Variants in RPH3AL observed in about 807,000 individuals in gnomAD.
RPH3AL encodes the protein rab effector Noc2.
In RPH3AL, 38 loss-of-function variants were observed where a neutral mutation model predicts 43.1. The observed-to-expected ratio is 0.88, with a 90% confidence interval of 0.68 to 1.15. The LOEUF (loss-of-function observed/expected upper bound fraction) is 1.15, where lower values mean the gene tolerates loss of function less well. RPH3AL is among the 50% of genes most tolerant of loss of function. The pLI is 0.00. For synonymous variants in RPH3AL, 189 were observed against 176.3 expected, an observed-to-expected ratio of 1.07 and a Z score of -0.57; for missense variants, 462 against 423.2, an observed-to-expected ratio of 1.09 and a Z score of -0.81.
chr17:223,898 GC>G (rs1416196975), intron 7 of RPH3AL, among the ~76,000 whole-genome samples: 3 of 151,060 alleles, frequency 2.0e-5, no homozygotes, highest in African/African-American at 7.3e-5. Context: ...CAGTGGGCGT[GC>G]CCCCAACAGA....
chr17:318,005 A>T (rs2044344525), intron 5 of RPH3AL, among the ~76,000 whole-genome samples: 1 of 148,332 alleles, frequency 6.7e-6, no homozygotes, highest in African/African-American at 2.5e-5. Context: ...TTTGATCATT[A>T]CTTGTTTTTT....
Position 290,796 on chromosome 17 carries a change from G to A in RPH3AL, c.352-8942C>T, listed in dbSNP as rs891002306. ...GAAGGAAACTGCTCTGAAAGCAGAC[G>A]CCGCCATCTCACAGCACCCGCGGTC... is the stretch of plus-strand genomic sequence containing the variant. On this transcript the variant is annotated intron_variant, in intron 5 of 9. Transcript: ENST00000331302. This position sits in a 1 kb window ranked among gnomAD's most constrained non-coding sequence, Gnocchi z 4.2. 2.6e-5 allele frequency among the ~76,000 whole-genome samples: 4 copies of A among 152,296 alleles called. No individual in the cohort carries two copies. Among genetic ancestry groups the A allele is most frequent in the South Asian group, 2.1e-4 (1 of 4,822 alleles).
intron 6 of RPH3AL, among the ~76,000 whole-genome samples, chr17:251,690 G>A (rs1334321617): frequency 6.6e-6 from 1 of 152,246 alleles, no homozygotes; most frequent in Non-Finnish European, 1.5e-5. Context: ...CATCTCTGAA[G>A]AGCTGCTGCA....
intron 1 of RPH3AL, among the ~76,000 whole-genome samples, chr17:342,995 T>C (rs2045156433): frequency 6.6e-6 from 1 of 152,230 alleles, no homozygotes; most frequent in Non-Finnish European, 1.5e-5. Flanking sequence ...ATAACATTTG[T>C]TCCACTTTGC....
At chr17:317,420 C>T (rs1296701432) in intron 5 of RPH3AL, among the ~76,000 whole-genome samples, 1 of 148,938 alleles carries the variant, frequency 6.7e-6, no homozygotes, top group African/African-American at 2.5e-5. Flanking sequence ...CTCTGTGCTC[C>T]ACACCTCCAT....
chr17:326,261 C>T lies in RPH3AL; in HGVS notation c.77+1206G>A, dbSNP rs138965698. Among the ~76,000 whole-genome samples, 705 of 152,346 alleles carry T rather than the reference C, an allele frequency of 4.6e-3. 2 individuals carry two copies. The highest frequency in any genetic ancestry group is 0.014 in the Middle Eastern group (4 of 294). ...GATTCCTGCAAATCACGCATGACTCCGCTCTCCTGGGGCGTTTCGAATTAA... is the reference window on the plus strand; with the variant it reads ...GATTCCTGCAAATCACGCATGACTCTGCTCTCCTGGGGCGTTTCGAATTAA... On this transcript the variant is annotated intron_variant, in intron 3 of 9. Coordinates refer to ENST00000331302, the MANE Select transcript of RPH3AL (RefSeq NM_006987.4).
At position 264,535 on chromosome 17, in the gene RPH3AL, G is replaced by A. The variant is rs568938432; in HGVS notation, c.438+17233C>T. On this transcript the variant is annotated intron_variant, in intron 6 of 9. Transcript: ENST00000331302. The surrounding 1 kb of genome is among the most constrained non-coding windows in gnomAD (Gnocchi z 4.8). The stretch of plus-strand genomic sequence containing the variant: ...AGGATTACCCTTCGGAGCCGTGCGC[G>A]CTGGATGGGGACTCAGAATCCGCAC... 2.0e-4 allele frequency among the ~76,000 whole-genome samples: 30 copies of A among 152,146 alleles called. 1 individual carries two copies. In the South Asian group the frequency reaches 2.1e-3, roughly 11 times the overall value.
Position 264,299 on chromosome 17 carries a change from G to T in RPH3AL, c.439-17014C>A, listed in dbSNP as rs1436359419. Reference sequence around the variant, plus strand: ...GCCGCGAGCGCTGGATGGGGACTCAGAATCCGCAGCACGTTGACAGCAGGA... The same window carrying T: ...GCCGCGAGCGCTGGATGGGGACTCATAATCCGCAGCACGTTGACAGCAGGA... On this transcript the variant is annotated intron_variant, in intron 6 of 9. Transcript: ENST00000331302. This position sits in a 1 kb window ranked among gnomAD's most constrained non-coding sequence, Gnocchi z 4.8. Among the ~76,000 whole-genome samples, 2 of 150,206 alleles carry T rather than the reference G, an allele frequency of 1.3e-5. No individual in the cohort carries two copies. Among genetic ancestry groups the T allele is most frequent in the Non-Finnish European group, 2.9e-5 (2 of 67,818 alleles).
At chr17:307,948 T>A (rs896363315) in intron 5 of RPH3AL, among the ~76,000 whole-genome samples, 1 of 152,170 alleles carries the variant, frequency 6.6e-6, no homozygotes, top group Non-Finnish European at 1.5e-5. Context: ...AATCCTCCGA[T>A]CCCAGCAACT....
chr17:285,803 C>T (rs1433778343), intron 5 of RPH3AL, among the ~76,000 whole-genome samples: 4 of 152,218 alleles, frequency 2.6e-5, no homozygotes, highest in Non-Finnish European at 5.9e-5. Flanking sequence ...TGCTCCCCTA[C>T]AGCTTCCAAT....
chr17:264,185 T>C lies in RPH3AL; in HGVS notation c.439-16900A>G, dbSNP rs1180925231. ...ACATACACACTTGTTTCTAGCATTG[T>C]TTTCTGCCGGAAATGCCATCTGTCA... On this transcript the variant is annotated intron_variant, in intron 6 of 9. Coordinates refer to ENST00000331302, the MANE Select transcript of RPH3AL (RefSeq NM_006987.4). This position sits in a 1 kb window ranked among gnomAD's most constrained non-coding sequence, Gnocchi z 4.8. Among the ~76,000 whole-genome samples the C allele has an allele frequency of 1.3e-5, 2 of 152,200 alleles. No individual in the cohort carries two copies. Among genetic ancestry groups the C allele is most frequent in the Admixed American group, 6.5e-5 (1 of 15,274 alleles).
chr17:282,562 A>G (rs1437994878), intron 5 of RPH3AL, among the ~76,000 whole-genome samples: 1 of 152,240 alleles, frequency 6.6e-6, no homozygotes, highest in Non-Finnish European at 1.5e-5. Context: ...TGGGAGCTTC[A>G]TGAGAACTGG....
chr17:233,419 C>T (rs1401681471), intron 7 of RPH3AL, among the ~76,000 whole-genome samples: 1 of 152,182 alleles, frequency 6.6e-6, no homozygotes, highest in Admixed American at 6.5e-5. Flanking sequence ...CCAGGAGTCC[C>T]CCAGGAAAAC....
Position 213,780 on chromosome 17 carries a change from C to T in RPH3AL, c.*72G>A, listed in dbSNP as rs188690991. 258 of 1,260,122 alleles carry T rather than the reference C, an allele frequency of 2.0e-4. 1 individual carries two copies. The highest frequency in any genetic ancestry group is 1.4e-3 in the Admixed American group (76 of 55,104). 78.1% of individuals were successfully genotyped at this position (1,260,122 alleles called of 1,614,324 possible). On this transcript the variant is annotated 3_prime_UTR_variant, in exon 10 of 10. Transcript: ENST00000331302. ...GGGTGTCTGGTGAGGGCACAAGGACCGGTCAGGGAGGAGCCGGGCAGGGTC... is the reference window on the plus strand; with the variant it reads ...GGGTGTCTGGTGAGGGCACAAGGACTGGTCAGGGAGGAGCCGGGCAGGGTC...
At chr17:261,692 G>A (rs2151571928) in intron 6 of RPH3AL, 1 of 152,268 alleles carries the variant, frequency 6.6e-6, no homozygotes, top group East Asian at 1.9e-4. Flanking sequence ...ACAATGGGAG[G>A]GCAGAACACA....
At chr17:282,644 A>G (rs2042809032) in intron 5 of RPH3AL, among the ~76,000 whole-genome samples, 2 of 152,246 alleles carry the variant, frequency 1.3e-5, no homozygotes, top group South Asian at 4.1e-4. Context: ...GCTTAAAAAC[A>G]AGAATATGTC....
intron 7 of RPH3AL, among the ~76,000 whole-genome samples, chr17:220,455 A>T (rs377163199): frequency 1.1e-4 from 12 of 112,376 alleles, no homozygotes; most frequent in African/African-American, 1.5e-4. Context: ...CCCAAGCACA[A>T]CAGCTCTGAG....
At chr17:281,511 C>A (rs902721440) in intron 6 of RPH3AL, among the ~76,000 whole-genome samples, 2 of 152,050 alleles carry the variant, frequency 1.3e-5, no homozygotes. Flanking sequence ...ACCTCGGACT[C>A]TCCCACGTGT....
At chr17:334,093 G>T (rs1285725889) in intron 1 of RPH3AL, 159 bp from the exon 2 acceptor site, 3 of 152,820 alleles carry the variant, frequency 2.0e-5, no homozygotes, top group African/African-American at 7.2e-5. Context: ...GTGACCAGTG[G>T]CTGGGGCCGG....
Sources: allele counts gnomAD v4.1 joint callset (sites outside exome capture counted in the v4.1 genomes callset), GRCh38; gene constraint gnomAD v4.1.1; non-coding constraint Gnocchi (gnomAD v3.1); transcripts MANE v1.5; gene names NCBI Gene and HGNC (gene_info 2026-07-23, HGNC 2026-07-21).